The following ERC2 variants were observed in gnomAD, a reference collection of about 807,000 sequenced individuals.
ERC2 encodes the protein ERC protein 2.
Under a neutral mutation model 114.8 loss-of-function variants are expected in ERC2, and 42 were observed. That is an observed-to-expected ratio of 0.37 (90% CI 0.29 to 0.47). The LOEUF (loss-of-function observed/expected upper bound fraction) is 0.47. Ranked by LOEUF, ERC2 falls within the 20% of genes least tolerant of loss-of-function variation. The pLI, the probability that ERC2 is intolerant of heterozygous loss-of-function variation, is 0.99. For missense variants in ERC2, 939 were observed against 1,150.7 expected (o/e 0.82, Z 2.66); for synonymous variants, 454 against 425.5 (o/e 1.07, Z -0.82).
chr3:55,937,653 A>G (rs958117638), intron 13 of ERC2, among the ~76,000 whole-genome samples: 4 of 152,222 alleles, frequency 2.6e-5, no homozygotes, highest in African/African-American at 9.7e-5. Context: ...CATGAAATAC[A>G]AGAGTAAAAA....
At chr3:55,772,338 G>A (rs536531969) in intron 14 of ERC2, among the ~76,000 whole-genome samples, 77 of 149,928 alleles carry the variant, frequency 5.1e-4, no homozygotes, top group African/African-American at 1.7e-3. Context: ...TTTTTGAGAC[G>A]GAGTCTCGCT....
chr3:56,289,134 T>C (rs1195958740), intron 3 of ERC2, among the ~76,000 whole-genome samples: 4 of 151,922 alleles, frequency 2.6e-5, no homozygotes, highest in Non-Finnish European at 4.4e-5. Flanking sequence ...ACATTCGAAG[T>C]CTTCCCTCAA....
intron 1 of ERC2, among the ~76,000 whole-genome samples, chr3:56,458,133 T>C (rs983989906): frequency 6.6e-6 from 1 of 152,256 alleles, no homozygotes; most frequent in Non-Finnish European, 1.5e-5. Context: ...TTGTTACTAA[T>C]GTCTATTATG....
intron 3 of ERC2, among the ~76,000 whole-genome samples, chr3:56,264,820 C>A (rs1352972348): frequency 1.1e-5 from 1 of 90,270 alleles, no homozygotes. Flanking sequence ...CAAATATGAC[C>A]TATCCAAAAA....
chr3:56,176,985 G>A (rs2083015714), intron 3 of ERC2, among the ~76,000 whole-genome samples: 1 of 152,188 alleles, frequency 6.6e-6, no homozygotes, highest in South Asian at 2.1e-4. Context: ...AGCTAGAAGT[G>A]AAGGACTTCA....
chr3:55,668,029 A>T (rs2148726311), intron 17 of ERC2, among the ~76,000 whole-genome samples: 1 of 152,312 alleles, frequency 6.6e-6, no homozygotes, highest in African/African-American at 2.4e-5. Flanking sequence ...CCTAGTTGTG[A>T]CAACCAAAAA....
chr3:56,079,483 G>C (rs1051848847), intron 7 of ERC2, among the ~76,000 whole-genome samples: 1 of 152,140 alleles, frequency 6.6e-6, no homozygotes, highest in African/African-American at 2.4e-5. Context: ...GATGTAGTCT[G>C]AGCAAAGGGG....
At chr3:56,367,263 C>CCTTT (rs1560682480) in intron 2 of ERC2, among the ~76,000 whole-genome samples, 2 of 143,104 alleles carry the variant, frequency 1.4e-5, no homozygotes, top group African/African-American at 2.8e-5. Context: ...CAATGGGCAG[C>CCTTT]ATTTTTTTTT....
chr3:55,699,863 C>T (rs965860875), intron 15 of ERC2, among the ~76,000 whole-genome samples: 97 of 152,250 alleles, frequency 6.4e-4, no homozygotes, highest in African/African-American at 2.2e-3. Context: ...GACTGAGACT[C>T]TAGACCAACA....
intron 13 of ERC2, among the ~76,000 whole-genome samples, chr3:55,936,249 C>T (rs903605069): frequency 3.9e-5 from 6 of 152,166 alleles, no homozygotes; most frequent in Admixed American, 2.6e-4. Context: ...ATCCTCAGAG[C>T]TGCTATGGAA....
intron 17 of ERC2, among the ~76,000 whole-genome samples, chr3:55,562,658 C>A (rs111415667): frequency 4.4e-4 from 67 of 152,264 alleles, no homozygotes; most frequent in Non-Finnish European, 9.0e-4. Context: ...CCAAAGAACA[C>A]CAAGCTCAGC....
intron 7 of ERC2, among the ~76,000 whole-genome samples, chr3:56,078,959 G>C (rs2077102004): frequency 6.6e-6 from 1 of 151,792 alleles, no homozygotes; most frequent in Non-Finnish European, 1.5e-5. Context: ...AGAGAAGACA[G>C]AGGGCAGGAA....
At chr3:56,456,565 T>C (rs1167264494) in intron 1 of ERC2, among the ~76,000 whole-genome samples, 1 of 152,218 alleles carries the variant, frequency 6.6e-6, no homozygotes, top group Non-Finnish European at 1.5e-5. Context: ...CATACATACA[T>C]AGCCTTTAAC....
chr3:56,308,118 T>G (rs1456635220), intron 2 of ERC2, among the ~76,000 whole-genome samples: 1 of 152,184 alleles, frequency 6.6e-6, no homozygotes, highest in Non-Finnish European at 1.5e-5. Context: ...CTCACTCATC[T>G]GACAATACTG....
At chr3:56,379,625 C>CT (rs1247497256) in intron 2 of ERC2, among the ~76,000 whole-genome samples, 1 of 152,166 alleles carries the variant, frequency 6.6e-6, no homozygotes, top group Non-Finnish European at 1.5e-5. Flanking sequence ...ACTCTACCCA[C>CT]TGCACATACT....
chr3:55,680,968 G>C (rs777607414), intron 17 of ERC2, among the ~76,000 whole-genome samples: 3 of 152,158 alleles, frequency 2.0e-5, no homozygotes, highest in Non-Finnish European at 4.4e-5. Flanking sequence ...GACAGTGACA[G>C]CAGAGTTTTA....
intron 15 of ERC2, among the ~76,000 whole-genome samples, chr3:55,719,388 C>T (rs961858429): frequency 2.6e-5 from 4 of 152,216 alleles, no homozygotes; most frequent in Non-Finnish European, 5.9e-5. Context: ...TCCCTCAAGC[C>T]TAAGAACATT....
chr3:56,119,176 C>A (rs893335751), intron 6 of ERC2, among the ~76,000 whole-genome samples: 3 of 152,170 alleles, frequency 2.0e-5, no homozygotes, highest in Non-Finnish European at 4.4e-5. Context: ...TTGACCTCTG[C>A]TTTAAACCAT....
intron 17 of ERC2, among the ~76,000 whole-genome samples, chr3:55,663,615 C>T (rs2061232543): frequency 6.6e-6 from 1 of 152,216 alleles, no homozygotes; most frequent in Admixed American, 6.5e-5. Context: ...ACAGTGGCCC[C>T]TTCCTTTCGG....
Sources: gnomAD v4.1 joint callset for allele counts (sites outside exome capture counted in the v4.1 genomes callset) on GRCh38, gnomAD v4.1.1 for gene constraint, MANE v1.5 for transcripts, NCBI Gene and HGNC (gene_info 2026-07-23, HGNC 2026-07-21) for gene names.